The following FAAH2 variants were observed in gnomAD, a reference collection of about 807,000 sequenced individuals.
FAAH2 encodes fatty-acid amide hydrolase 2.
A neutral mutation model predicts 36.9 loss-of-function variants in FAAH2; 60 were observed. The ratio of observed to expected loss-of-function variants is 1.63; its 90% CI spans 1.32 to 2.02. FAAH2 has a LOEUF of 2.02. Among genes scored for constraint, FAAH2 ranks in the 30% most tolerant of loss-of-function variants. FAAH2 has a pLI of 0.00. For missense variants in FAAH2, 689 were observed against 397.5 expected, an observed-to-expected ratio of 1.73 and a Z score of -6.23; for synonymous variants, 214 against 143.8, an observed-to-expected ratio of 1.49 and a Z score of -3.49.
chrX:57,134,590 A>T, the FAAH2 span: 3 of 111,607 alleles, frequency 2.7e-5, no homozygotes, highest in African/African-American at 9.8e-5. Flanking sequence ...GAAAACAAAC[A>T]TTCCAGCAGA....
chrX:57,452,525 T>C (rs1382816366), intron 10 of FAAH2, among the ~76,000 whole-genome samples: 1 of 112,753 alleles, frequency 8.9e-6, no homozygotes, highest in Non-Finnish European at 1.9e-5. Flanking sequence ...AACAAAATAA[T>C]CTGCTATATT....
chrX:57,332,597 C>A (rs1368535352), intron 4 of FAAH2, among the ~76,000 whole-genome samples: 2 of 111,561 alleles, frequency 1.8e-5, no homozygotes, highest in Non-Finnish European at 3.8e-5. Context: ...GAAACCTAAG[C>A]TATAACTGAT....
chrX:57,143,670 G>T, the FAAH2 span, among the ~76,000 whole-genome samples: 2 of 110,473 alleles, frequency 1.8e-5, no homozygotes, highest in Non-Finnish European at 3.8e-5. Context: ...TAGACAGGGG[G>T]TTTCTCCATG....
the FAAH2 span, among the ~76,000 whole-genome samples, chrX:57,139,607 C>G: frequency 1.4e-4 from 16 of 111,085 alleles, no homozygotes; most frequent in East Asian, 4.2e-3. Context: ...GTGCCCGCCA[C>G]CACACTGGGC....
intron 10 of FAAH2, among the ~76,000 whole-genome samples, chrX:57,463,238 G>A (rs1449031011): frequency 9.0e-6 from 1 of 111,130 alleles, no homozygotes; most frequent in Non-Finnish European, 1.9e-5. Context: ...ACCACCCAAA[G>A]TAATTTATAG....
At chrX:57,296,368 C>T (rs1450482016) in intron 2 of FAAH2, among the ~76,000 whole-genome samples, 1 of 111,992 alleles carries the variant, frequency 8.9e-6, no homozygotes, top group Non-Finnish European at 1.9e-5. Context: ...CCAGTAAACT[C>T]CAACAGACCT....
At chrX:57,463,622 G>T (rs765405337) in intron 10 of FAAH2, among the ~76,000 whole-genome samples, 2 of 111,059 alleles carry the variant, frequency 1.8e-5, no homozygotes, top group Non-Finnish European at 3.8e-5. Context: ...CTCAAAAAAA[G>T]ACATTTATCT....
intron 10 of FAAH2, among the ~76,000 whole-genome samples, chrX:57,466,156 C>CTATATATATATATATATATATATATATA (rs1163626331): frequency 1.5e-5 from 1 of 66,417 alleles, no homozygotes; most frequent in Non-Finnish European, 2.7e-5. Context: ...CTCTCTCTCT[C>CTATATATATATATATATATATATATATA]TATATATATA....
intron 10 of FAAH2, among the ~76,000 whole-genome samples, chrX:57,464,792 T>C (rs1052233292): frequency 1.8e-5 from 2 of 111,399 alleles, no homozygotes; most frequent in East Asian, 2.8e-4. Context: ...CACAGCATCA[T>C]ACAATTTACT....
chrX:57,138,140 G>T, the FAAH2 span, among the ~76,000 whole-genome samples: 4 of 112,075 alleles, frequency 3.6e-5, no homozygotes, highest in Non-Finnish European at 5.6e-5. Flanking sequence ...AGTTATTTTT[G>T]AATGTGATTA....
intron 8 of FAAH2, among the ~76,000 whole-genome samples, chrX:57,435,769 A>T (rs1000500504): frequency 9.0e-6 from 1 of 111,129 alleles, no homozygotes; most frequent in African/African-American, 3.3e-5. Flanking sequence ...CTGCGCACTC[A>T]CAGCATTAGA....
intron 7 of FAAH2, chrX:57,392,847 G>T: frequency 1.4e-6 from 1 of 711,387 alleles, no homozygotes; most frequent in Non-Finnish European, 2.3e-6. Context: ...GGACAAGTGT[G>T]TTTTGGCCAT....
At chrX:57,316,600 G>A (rs1182286016) in intron 3 of FAAH2, among the ~76,000 whole-genome samples, 1 of 110,995 alleles carries the variant, frequency 9.0e-6, no homozygotes, top group African/African-American at 3.3e-5. Context: ...CTTTGTCAAG[G>A]CCAACAAAAA....
intron 8 of FAAH2, among the ~76,000 whole-genome samples, chrX:57,433,997 T>C (rs1036587678): frequency 9.0e-6 from 1 of 111,094 alleles, no homozygotes; most frequent in Non-Finnish European, 1.9e-5. Context: ...TCTTCAGCAA[T>C]AGACTCTGTG....
In FAAH2 at chrX:57,310,725, A is replaced by G; in HGVS notation, c.408A>G (p.Leu136=). The G allele has an allele frequency of 8.3e-7, 1 of 1,200,448 alleles. No homozygotes were observed. Reference sequence around the variant, plus strand: ...TGACAGTCAAGGAAGCTTTCCAGCTACAAGGTACTATTCTTTTATTTTTGG... The same window carrying G: ...TGACAGTCAAGGAAGCTTTCCAGCTGCAAGGTACTATTCTTTTATTTTTGG... ...VPLTVKEAFQ[L]QGMPNSSGLM... The change falls in exon 3 of 11, where the codon CTA becomes CTG. Residue 136 remains leucine, a synonymous_variant. Transcript: ENST00000374900.
intron 7 of FAAH2, 111 bp downstream of exon 7, chrX:57,381,140 G>C: frequency 1.8e-6 from 1 of 543,102 alleles, no homozygotes; most frequent in African/African-American, 2.4e-5. Flanking sequence ...ACGGAATTAA[G>C]GTTTTCAGAA....
intron 5 of FAAH2, among the ~76,000 whole-genome samples, chrX:57,350,731 T>A (rs184953810): frequency 7.8e-4 from 86 of 110,562 alleles, no homozygotes; most frequent in African/African-American, 2.7e-3. Context: ...AAACAGACAT[T>A]AAGTCAAAAA....
chrX:57,382,802 G>T (rs961428294), intron 7 of FAAH2, among the ~76,000 whole-genome samples: 4 of 111,418 alleles, frequency 3.6e-5, no homozygotes, highest in Non-Finnish European at 7.5e-5. Context: ...TAGAAAAAGA[G>T]GGAATCCTCC....
chrX:57,188,618 G>A, the FAAH2 span, among the ~76,000 whole-genome samples: 3 of 110,177 alleles, frequency 2.7e-5, no homozygotes, highest in African/African-American at 9.9e-5. Flanking sequence ...GTTTGCTGTT[G>A]CTCCTGTAGT....
Sources: allele counts gnomAD v4.1 joint callset (sites outside exome capture counted in the v4.1 genomes callset), GRCh38; gene constraint gnomAD v4.1.1; transcripts MANE v1.5; gene names NCBI Gene and HGNC (gene_info 2026-07-23, HGNC 2026-07-21).